KCNJ16: variants seen among roughly 807,000 people sequenced by gnomAD.
KCNJ16 encodes potassium inwardly rectifying channel subfamily J member 16.
KCNJ16 carries 15 observed loss-of-function variants against 18.5 expected under a neutral mutation model. That is an observed-to-expected ratio of 0.81 (90% CI 0.54 to 1.25). The LOEUF (loss-of-function observed/expected upper bound fraction) is 1.25, where lower values mean the gene tolerates loss of function less well. Among genes scored for constraint, KCNJ16 ranks in the 50% most tolerant of loss-of-function variants. The pLI, the probability that KCNJ16 is intolerant of heterozygous loss-of-function variation, is 0.00. For synonymous variants in KCNJ16, 174 were observed against 186.5 expected (o/e 0.93, Z 0.55); for missense variants, 523 against 525.7 (o/e 0.99, Z 0.05).
intron 2 of KCNJ16, among the ~76,000 whole-genome samples, chr17:70,117,293 G>C (rs2073448099): frequency 6.6e-6 from 1 of 152,084 alleles, no homozygotes; most frequent in Admixed American, 6.6e-5. Context: ...AGACACCGAG[G>C]ACTACTAGAA....
rs1205846759 is a variant in KCNJ16 at position 70,132,853 on chromosome 17, G to T, written c.766G>T (p.Glu256Ter). ...ILVTPVTIVHEIDHESPLYAL... is the reference protein window; with the variant it reads ...ILVTPVTIVH ...GGTCACCCCGGTAACTATTGTCCATGAAATTGACCATGAGAGCCCTCTGTA... is the reference window on the plus strand; with the variant it reads ...GGTCACCCCGGTAACTATTGTCCATTAAATTGACCATGAGAGCCCTCTGTA... The change falls in exon 4 of 4, where the codon GAA becomes TAA. Residue 256 changes from glutamate (E) to a stop codon, truncating the protein, a stop_gained. Transcript: ENST00000392671. LOFTEE classifies it high-confidence loss of function. 6.2e-7 allele frequency: 1 copy of T among 1,614,084 alleles called. No homozygotes were observed. The highest frequency in any genetic ancestry group is 1.7e-5 in the Admixed American group (1 of 60,016).
chr17:70,121,633 T>C (rs543318092), intron 2 of KCNJ16, among the ~76,000 whole-genome samples: 5 of 152,166 alleles, frequency 3.3e-5, no homozygotes, highest in Non-Finnish European at 7.3e-5. Context: ...ATGTTTTGGC[T>C]TTGTTTTAAA....
At chr17:70,106,391 A>G (rs1348277979) in intron 2 of KCNJ16, among the ~76,000 whole-genome samples, 2 of 152,202 alleles carry the variant, frequency 1.3e-5, no homozygotes, top group East Asian at 3.8e-4. Context: ...ATTTCATTTG[A>G]TAATTGTGTA....
intron 2 of KCNJ16, among the ~76,000 whole-genome samples, chr17:70,104,606 A>G (rs1303169632): frequency 6.6e-6 from 1 of 152,242 alleles, no homozygotes; most frequent in Non-Finnish European, 1.5e-5. Flanking sequence ...AGGTGTCAGT[A>G]AGAGAAAATG....
chr17:70,124,343 C>T (rs528597866), intron 2 of KCNJ16, among the ~76,000 whole-genome samples: 17 of 152,024 alleles, frequency 1.1e-4, no homozygotes, highest in African/African-American at 3.6e-4. Context: ...TGTTGATACC[C>T]GCCTCTCCAA....
In KCNJ16 at chr17:70,133,549, A is replaced by G. The variant is rs114475723; in HGVS notation, c.*205A>G. Reference sequence around the variant, plus strand: ...AATTTTTCTTGTTCGCCAATTTTGTATTAAGAATGCTATTAAGCCTAATTG... The same window carrying G: ...AATTTTTCTTGTTCGCCAATTTTGTGTTAAGAATGCTATTAAGCCTAATTG... On this transcript the variant is annotated 3_prime_UTR_variant, in exon 4 of 4. Coordinates refer to ENST00000392671, the MANE Select transcript of KCNJ16 (RefSeq NM_170741.4). 310 of 513,100 alleles carry G rather than the reference A, an allele frequency of 6.0e-4. 1 individual carries two copies. Among genetic ancestry groups the G allele is most frequent in the African/African-American group, 5.3e-3 (280 of 52,502 alleles). The allele number at this position is 513,100 out of a possible 1,614,324, so 31.8% of individuals were successfully genotyped here. A position where few individuals can be genotyped will look rare whatever the true frequency, so the allele number is the denominator to read the frequency against.
At chr17:70,085,161 G>A (rs1296574578) in intron 1 of KCNJ16, among the ~76,000 whole-genome samples, 2 of 152,110 alleles carry the variant, frequency 1.3e-5, no homozygotes, top group African/African-American at 4.8e-5. Context: ...AACTATTTCT[G>A]AATCTTTCGT....
At chr17:70,109,433 A>G (rs1248864805) in intron 2 of KCNJ16, among the ~76,000 whole-genome samples, 1 of 152,178 alleles carries the variant, frequency 6.6e-6, no homozygotes, top group East Asian at 1.9e-4. Context: ...CCCCAGCTCC[A>G]TATCTGGATC....
Position 70,133,015 on chromosome 17 carries a change from T to C in KCNJ16, c.928T>C (p.Phe310Leu). ...VPREILWGHRFNDVLEVKRKY... is the reference protein window; with the variant it reads ...VPREILWGHRLNDVLEVKRKY... ...CCGAGAAATTCTCTGGGGCCATAGG[T>C]TTAATGATGTCTTGGAAGTTAAGAG... Residue 310 changes from phenylalanine (F) to leucine (L), a missense_variant, in exon 4 of 4, where the codon TTT becomes CTT. Physicochemically the swap from Phe to Leu is conservative, Grantham distance 22. Coordinates refer to ENST00000392671, the MANE Select transcript of KCNJ16 (RefSeq NM_170741.4). The C allele has an allele frequency of 6.2e-7, 1 of 1,613,760 alleles. No homozygotes were observed. Among genetic ancestry groups the C allele is most frequent in the East Asian group, 2.2e-5 (1 of 44,856 alleles).
At chr17:70,126,041 G>A (rs2073844051) in intron 2 of KCNJ16, among the ~76,000 whole-genome samples, 1 of 152,130 alleles carries the variant, frequency 6.6e-6, no homozygotes, top group South Asian at 2.1e-4. Flanking sequence ...CCCACCTTGG[G>A]TGCAATGCTT....
intron 1 of KCNJ16, among the ~76,000 whole-genome samples, chr17:70,094,991 T>C (rs1183467427): frequency 6.6e-6 from 1 of 152,184 alleles, no homozygotes; most frequent in Non-Finnish European, 1.5e-5. Flanking sequence ...CAACCTTTCA[T>C]ATATTGGCTA....
chr17:70,081,373 T>A (rs1393907301), intron 1 of KCNJ16, among the ~76,000 whole-genome samples: 1 of 152,196 alleles, frequency 6.6e-6, no homozygotes, highest in Non-Finnish European at 1.5e-5. Context: ...CTGTATTAGA[T>A]AACAGTATTG....
chr17:70,117,855 A>G (rs1414876046), intron 2 of KCNJ16, among the ~76,000 whole-genome samples: 1 of 152,226 alleles, frequency 6.6e-6, no homozygotes, highest in Non-Finnish European at 1.5e-5. Context: ...TCAACAAAAA[A>G]GTTAATCAGT....
chr17:70,085,182 C>G (rs1442881758), intron 1 of KCNJ16, among the ~76,000 whole-genome samples: 5 of 152,174 alleles, frequency 3.3e-5, no homozygotes, highest in Admixed American at 3.3e-4. Flanking sequence ...GGACCATATA[C>G]CACTACATGG....
chr17:70,123,463 A>AT (rs1394431618), intron 2 of KCNJ16, among the ~76,000 whole-genome samples: 8 of 152,164 alleles, frequency 5.3e-5, no homozygotes, highest in African/African-American at 9.7e-5. Flanking sequence ...GCTTGGACAT[A>AT]TATCTCTCCC....
intron 1 of KCNJ16, among the ~76,000 whole-genome samples, chr17:70,076,969 T>A (rs1048883895): frequency 9.2e-5 from 14 of 152,162 alleles, no homozygotes; most frequent in African/African-American, 3.4e-4. Flanking sequence ...CATTTTCCAT[T>A]TATAAATGGA....
At chr17:70,112,486 G>C (rs1202555627) in intron 2 of KCNJ16, among the ~76,000 whole-genome samples, 14 of 148,804 alleles carry the variant, frequency 9.4e-5, no homozygotes, top group Admixed American at 9.4e-4. Flanking sequence ...TCTTTCCCTT[G>C]TCTTGAACTC....
intron 2 of KCNJ16, among the ~76,000 whole-genome samples, chr17:70,106,409 C>T (rs552855305): frequency 1.3e-5 from 2 of 152,202 alleles, no homozygotes; most frequent in South Asian, 4.2e-4. Context: ...GTACCTGACA[C>T]ACAAGGAGCA....
Position 70,132,795 on chromosome 17 carries a change from AG to A in KCNJ16, c.709del (p.Asp237ThrfsTer4). The A allele has an allele frequency of 6.2e-7, 1 of 1,614,014 alleles. No homozygotes were observed. The highest frequency in any genetic ancestry group is 8.5e-7 in the Non-Finnish European group (1 of 1,180,044). On this transcript the variant is annotated frameshift_variant, in exon 4 of 4. Coordinates refer to ENST00000392671, the MANE Select transcript of KCNJ16 (RefSeq NM_170741.4). LOFTEE classifies it high-confidence loss of function. The part of the protein sequence containing the change: ...SEGRMTMAFK[D>X]LKLVNDQIIL... ...AAGGGAGGATGACGATGGCATTTAA[AG>A]ACCTCAAATTAGTCAACGACCAAAT...
Sources: gnomAD v4.1 joint callset for allele counts (sites outside exome capture counted in the v4.1 genomes callset) on GRCh38, gnomAD v4.1.1 for gene constraint, MANE v1.5 for transcripts, NCBI Gene and HGNC (gene_info 2026-07-23, HGNC 2026-07-21) for gene names.